LAD1: variants seen among roughly 807,000 people sequenced by gnomAD.
LAD1 encodes the protein ladinin-1.
In LAD1, 53 loss-of-function variants were observed where a neutral mutation model predicts 54.2. The observed-to-expected ratio is 0.98, with a 90% confidence interval of 0.78 to 1.23. The LOEUF (loss-of-function observed/expected upper bound fraction) is 1.23. Ranked by LOEUF, LAD1 falls within the 50% of genes most tolerant of loss-of-function variation. The probability of loss-of-function intolerance (pLI) is 0.00; values close to 1 mark genes in which losing one functional copy is unlikely to be tolerated. For synonymous variants in LAD1, 231 were observed against 257.7 expected (o/e 0.90, Z 0.99); for missense variants, 637 against 653.3 (o/e 0.98, Z 0.27).
chr1:201,386,407 C>A lies in LAD1; in HGVS notation c.954G>T (p.Leu318=). 1 of 1,525,372 alleles carries A rather than the reference C, an allele frequency of 6.6e-7. No homozygotes were observed. The highest frequency in any genetic ancestry group is 8.8e-7 in the Non-Finnish European group (1 of 1,141,380). The allele number at this position is 1,525,372 out of a possible 1,614,324, so 94.5% of individuals were successfully genotyped here. Residue 318 remains leucine (L), a synonymous_variant, in exon 3 of 10, where the codon CTG becomes CTT. Coordinates refer to ENST00000391967, the MANE Select transcript of LAD1 (RefSeq NM_005558.4). The part of the protein sequence containing the change: ...QRGRALPGKN[L]PSLAKQGASD... ...AAGCCCCCTGCTTTGCCAAAGAGGG[C>A]AGGTTCTTCCCAGGGAGGGCCCTTC...
At chr1:201,385,150 C>T (rs1013651115) in intron 4 of LAD1, among the ~76,000 whole-genome samples, 4 of 152,196 alleles carry the variant, frequency 2.6e-5, no homozygotes, top group Admixed American at 6.5e-5. Flanking sequence ...GGGCACCAGT[C>T]GCTATTGGGC....
chr1:201,382,913 G>C (rs777893801), intron 7 of LAD1, 161 bp downstream of exon 7: 24 of 1,035,452 alleles, frequency 2.3e-5, no homozygotes, highest in Non-Finnish European at 3.4e-5. Flanking sequence ...GCCCAGCTAA[G>C]GAGATGGGCT....
intron 9 of LAD1, 144 bp from the exon 10 acceptor site, chr1:201,382,037 G>C: frequency 1.1e-6 from 1 of 945,388 alleles, no homozygotes; most frequent in Non-Finnish European, 1.6e-6. Flanking sequence ...GCTGAAGAGG[G>C]AGGGGCTCTG....
chr1:201,381,612 T>C lies in LAD1; in HGVS notation c.*276A>G, dbSNP rs1034033487. The C allele has an allele frequency of 1.4e-5, 8 of 554,762 alleles. No individual in the cohort carries two copies. Among genetic ancestry groups the C allele is most frequent in the South Asian group, 9.9e-5 (5 of 50,364 alleles). 34.4% of individuals were successfully genotyped at this position (554,762 alleles called of 1,614,324 possible). Reference sequence around the variant, plus strand: ...CAGGACATAGGCCCCATAGTGCTGATGTGCACTTGTGCTGTGACCTGGGCA... The same window carrying C: ...CAGGACATAGGCCCCATAGTGCTGACGTGCACTTGTGCTGTGACCTGGGCA... On this transcript the variant is annotated 3_prime_UTR_variant, in exon 10 of 10. Coordinates refer to ENST00000391967, the MANE Select transcript of LAD1 (RefSeq NM_005558.4).
chr1:201,386,257 G>A (rs1662081153), intron 3 of LAD1, 78 bp downstream of exon 3: 1 of 1,328,322 alleles, frequency 7.5e-7, no homozygotes, highest in Non-Finnish European at 9.8e-7. Context: ...GGGAACCAGG[G>A]ACTACCTGGG....
chr1:201,387,744 G>A lies in LAD1; in HGVS notation c.183-566C>T, dbSNP rs1662124774. Among the ~76,000 whole-genome samples the A allele has an allele frequency of 3.3e-5, 5 of 152,180 alleles. No individual in the cohort carries two copies. The South Asian group carries it at 1.0e-3, about 32-fold the overall frequency. Reference sequence around the variant, plus strand: ...TGCCGGGCAAGGCTGGGGGAGGGGAGGACAGGAGAGGAGAGGGTCATCACA... The same window carrying A: ...TGCCGGGCAAGGCTGGGGGAGGGGAAGACAGGAGAGGAGAGGGTCATCACA... On this transcript the variant is annotated intron_variant, in intron 2 of 9. Coordinates refer to ENST00000391967, the MANE Select transcript of LAD1 (RefSeq NM_005558.4).
intron 3 of LAD1, 88 bp from the exon 4 acceptor site, chr1:201,385,893 T>A: frequency 1.1e-6 from 1 of 935,298 alleles, no homozygotes. Flanking sequence ...CCCCAGGAGC[T>A]GCAGGAAGAG....
intron 9 of LAD1, 30 bp downstream of exon 9, chr1:201,382,222 C>A: frequency 6.3e-7 from 1 of 1,592,158 alleles, no homozygotes; most frequent in South Asian, 1.1e-5. Context: ...GGCCCTCCGC[C>A]GTAGGGCCAG....
In LAD1 at chr1:201,383,318, C is replaced by A. The variant is rs1243859445; in HGVS notation, c.1247G>T (p.Arg416Leu). The A allele has an allele frequency of 3.7e-6, 6 of 1,614,036 alleles. No homozygotes were observed. Among genetic ancestry groups the A allele is most frequent in the Non-Finnish European group, 5.1e-6 (6 of 1,179,998 alleles). Residue 416 changes from arginine to leucine, a missense_variant and splice_region_variant, in exon 6 of 10, where the codon CGG becomes CTG. By Grantham distance (102) the Arg-to-Leu change is moderately radical. Coordinates refer to ENST00000391967, the MANE Select transcript of LAD1 (RefSeq NM_005558.4). ...EKLERYHTAI[R>L]RSESVKSRGL... is the part of the protein sequence containing the mutation. The stretch of plus-strand genomic sequence containing the variant: ...CCCTCAGGAGAAGCCCCCACCCACC[C>A]GTATGGCCGTGTGGTATCTCTCCAG...
chr1:201,389,100 C>T, intron 2 of LAD1, 60 bp downstream of exon 2: 2 of 1,572,570 alleles, frequency 1.3e-6, no homozygotes, highest in Admixed American at 1.7e-5. Flanking sequence ...GAATATGCTG[C>T]ACTTAGTCTG....
chr1:201,384,804 G>A lies in LAD1; in HGVS notation c.1163C>T (p.Thr388Ile). The A allele has an allele frequency of 1.9e-6, 3 of 1,614,096 alleles. No individual in the cohort carries two copies. Among genetic ancestry groups the A allele is most frequent in the Non-Finnish European group, 1.7e-6 (2 of 1,180,020 alleles). ...MKPKKENSET[T>I]LTRSASMKLP... is the part of the protein sequence containing the mutation. ...CCAGGCCCCCCACCTGCGAGTTAGG[G>A]TTGTTTCCGAGTTTTCTTTCTTGGG... Residue 388 changes from threonine to isoleucine, a missense_variant, in exon 5 of 10, where the codon ACC becomes ATC. Coordinates refer to ENST00000391967, the MANE Select transcript of LAD1 (RefSeq NM_005558.4).
At chr1:201,396,191 A>G (rs186005151) in intron 1 of LAD1, among the ~76,000 whole-genome samples, 3,025 of 152,150 alleles carry the variant, frequency 0.02, 46 homozygotes, top group Non-Finnish European at 0.032. Context: ...CCACAGCCCC[A>G]GGCAGCTGCC....
In LAD1 at chr1:201,391,963, C is replaced by T. The variant is rs147392785; in HGVS notation, c.39-2660G>A. On this transcript the variant is annotated intron_variant, in intron 1 of 9. Transcript: ENST00000391967. Reference sequence around the variant, plus strand: ...TTCTTCCCTCCCAGAGTTATAGCAACGACTGCAAGGCCTCCTCTTGCCACT... The same window carrying T: ...TTCTTCCCTCCCAGAGTTATAGCAATGACTGCAAGGCCTCCTCTTGCCACT... Among the ~76,000 whole-genome samples, 733 of 152,352 alleles carry T rather than the reference C, an allele frequency of 4.8e-3. 8 individuals are homozygous for T. The highest frequency in any genetic ancestry group is 0.017 in the African/African-American group (703 of 41,586).
intron 2 of LAD1, among the ~76,000 whole-genome samples, chr1:201,387,755 G>A (rs61820018): frequency 0.16 from 25,098 of 152,188 alleles, 2,742 homozygotes; most frequent in African/African-American, 0.31. Context: ...GACAGGAGAG[G>A]AGAGGGTCAT....
chr1:201,393,681 G>A (rs1169852373), intron 1 of LAD1, among the ~76,000 whole-genome samples: 2 of 151,134 alleles, frequency 1.3e-5, no homozygotes, highest in African/African-American at 2.4e-5. Flanking sequence ...AGGAGGTAGA[G>A]GTTGCAGTGA....
chr1:201,382,294 CCT>C lies in LAD1; in HGVS notation c.1504_1505del (p.Arg502AspfsTer8), dbSNP rs1434844950. ...AGTCAGATTTCTGTCCCCACTGAGT[CCT>C]CTCGGTTGCAGATGATGCTTTCTGT... The part of the protein sequence containing the change: ...EAQKASSATE[R>X]TQWGQKSDSS... On this transcript the variant is annotated frameshift_variant, in exon 9 of 10. Coordinates refer to ENST00000391967, the MANE Select transcript of LAD1 (RefSeq NM_005558.4). LOFTEE classifies it high-confidence loss of function. 6.2e-7 allele frequency: 1 copy of C among 1,613,914 alleles called. No homozygotes were observed. Among genetic ancestry groups the C allele is most frequent in the Admixed American group, 1.7e-5 (1 of 60,008 alleles).
chr1:201,397,694 A>C (rs941237037), intron 1 of LAD1, among the ~76,000 whole-genome samples: 1 of 152,190 alleles, frequency 6.6e-6, no homozygotes, highest in African/African-American at 2.4e-5. Flanking sequence ...TTCAATAAAC[A>C]GTTCAACTGA....
intron 9 of LAD1, among the ~76,000 whole-genome samples, 153 bp downstream of exon 9, chr1:201,382,099 T>G (rs1198370288): frequency 6.6e-6 from 1 of 152,138 alleles, no homozygotes; most frequent in Non-Finnish European, 1.5e-5. Flanking sequence ...TTCTCACGGT[T>G]GGCTCAGACC....
rs1050997069 is a variant in LAD1, at chr1:201,389,812, ACT to A, written c.39-511_39-510del. Among the ~76,000 whole-genome samples the A allele has an allele frequency of 3.1e-4, 47 of 151,992 alleles. 1 individual carries two copies. Among genetic ancestry groups the A allele is most frequent in the African/African-American group, 1.0e-3 (42 of 41,422 alleles). On this transcript the variant is annotated intron_variant, in intron 1 of 9. Transcript: ENST00000391967. ...ACTCCAGCCTGGGTGACACAACAAG[ACT>A]CTGTCTCAAAAAAGAAAGAAAAAAA...
Sources: allele counts gnomAD v4.1 joint callset (sites outside exome capture counted in the v4.1 genomes callset), GRCh38; gene constraint gnomAD v4.1.1; transcripts MANE v1.5; gene names NCBI Gene and HGNC (gene_info 2026-07-23, HGNC 2026-07-21).